The following GTPBP4 variants were observed in gnomAD, a reference collection of about 807,000 sequenced individuals.
The protein encoded by GTPBP4 is GTP binding protein 4, also known as GTP-binding protein 4.
In GTPBP4, 15 loss-of-function variants were observed where a neutral mutation model predicts 81.7. That is an observed-to-expected ratio of 0.18 (90% CI 0.12 to 0.28). GTPBP4 has a LOEUF of 0.28. GTPBP4 is among the 10% of genes least tolerant of loss of function. The probability of loss-of-function intolerance (pLI) is 1.00; values close to 1 mark genes in which losing one functional copy is unlikely to be tolerated. For missense variants in GTPBP4, 847 were observed against 793.8 expected (o/e 1.07, Z -0.81); for synonymous variants, 272 against 274.6 (o/e 0.99, Z 0.09).
intron 8 of GTPBP4, among the ~76,000 whole-genome samples, chr10:1,004,669 A>G (rs1171151715): frequency 6.6e-6 from 1 of 152,136 alleles, no homozygotes; most frequent in African/African-American, 2.4e-5. Flanking sequence ...CCACGGTGCT[A>G]TTTACCAGGA....
At chr10:1,005,588 G>A (rs556634142) in intron 8 of GTPBP4, among the ~76,000 whole-genome samples, 99 of 152,300 alleles carry the variant, frequency 6.5e-4, no homozygotes, top group Non-Finnish European at 1.4e-3. Flanking sequence ...TGTTGTGGGG[G>A]ACAGATGTGA....
chr10:1,006,467 C>T (rs576691542), intron 9 of GTPBP4, among the ~76,000 whole-genome samples: 1 of 152,208 alleles, frequency 6.6e-6, no homozygotes, highest in Admixed American at 6.5e-5. Flanking sequence ...GGTGAAACTC[C>T]GTCTCTCCTA....
At position 1,018,870 on chromosome 10, in the gene GTPBP4, T is replaced by C. The variant is rs1372048250; in HGVS notation, c.*1643T>C. ...CTTTCTCCGTATTAAACACCAAAAC[T>C]TAACATATAGTTTACTTTGTGTTAA... On this transcript the variant is annotated 3_prime_UTR_variant, in exon 17 of 17. Coordinates refer to ENST00000360803, the MANE Select transcript of GTPBP4 (RefSeq NM_012341.3). 1 of 152,122 alleles carries C rather than the reference T, an allele frequency of 6.6e-6. No homozygotes were observed. Among genetic ancestry groups the C allele is most frequent in the Non-Finnish European group, 1.5e-5 (1 of 68,022 alleles). The allele number at this position is 152,122 out of a possible 1,614,324, so 9.4% of individuals were successfully genotyped here.
At chr10:997,121 G>T (rs1268409130) in intron 4 of GTPBP4, 87 bp from the exon 5 acceptor site, 4 of 826,688 alleles carry the variant, frequency 4.8e-6, no homozygotes, top group African/African-American at 1.7e-5. Context: ...ATCACCATAG[G>T]CCTGGACTGT....
At chr10:988,586 G>T (rs1831383485) in intron 1 of GTPBP4, 59 bp downstream of exon 1, 3 of 1,319,704 alleles carry the variant, frequency 2.3e-6, no homozygotes, top group Non-Finnish European at 3.3e-6. Context: ...GGGTCCCCGG[G>T]GAGGGTCCGG....
At chr10:1,015,461 T>C (rs7920942) in intron 15 of GTPBP4, among the ~76,000 whole-genome samples, 2,523 of 4,694 alleles carry the variant, frequency 0.54, 904 homozygotes, top group South Asian at 0.7. Flanking sequence ...AGCCTGGGAG[T>C]GGGGCTGGGG....
chr10:998,089 C>T lies in GTPBP4; in HGVS notation c.561+781C>T, dbSNP rs1831564378. Among the ~76,000 whole-genome samples the T allele has an allele frequency of 2.6e-5, 4 of 152,104 alleles. No homozygotes were observed. In the South Asian group the frequency reaches 6.2e-4, roughly 24 times the overall value. Reference sequence around the variant, plus strand: ...TATTTTTAATTAAAAAAATTTTTTTCTTTCTTTTTGTTGAAACTTTTTCTT... The same window carrying T: ...TATTTTTAATTAAAAAAATTTTTTTTTTTCTTTTTGTTGAAACTTTTTCTT... On this transcript the variant is annotated intron_variant, in intron 5 of 16. Coordinates refer to ENST00000360803, the MANE Select transcript of GTPBP4 (RefSeq NM_012341.3).
intron 16 of GTPBP4, among the ~76,000 whole-genome samples, chr10:1,016,158 G>C (rs1254099003): frequency 6.6e-6 from 1 of 152,198 alleles, no homozygotes; most frequent in Non-Finnish European, 1.5e-5. Context: ...GACAGCACTA[G>C]CAGTCTGGGC....
chr10:1,008,915 C>T, intron 10 of GTPBP4, 43 bp from the exon 11 acceptor site: 1 of 1,417,570 alleles, frequency 7.1e-7, no homozygotes, highest in East Asian at 2.3e-5. Flanking sequence ...GTTTCTCATT[C>T]AGCAGGCATT....
chr10:999,165 CT>C, intron 6 of GTPBP4, 70 bp downstream of exon 6: 1 of 875,250 alleles, frequency 1.1e-6, no homozygotes, highest in Non-Finnish European at 1.9e-6. Context: ...GTTGCCCAGG[CT>C]GGAGTGCAGT....
rs541876692 is a variant in GTPBP4 at position 1,010,628 on chromosome 10, G to A, written c.1344+108G>A. ...CAGCTGGGCCTGTCCGCTTCATTCTGCACCCCTCCATCCTGACTCTGCCCC... is the reference window on the plus strand; with the variant it reads ...CAGCTGGGCCTGTCCGCTTCATTCTACACCCCTCCATCCTGACTCTGCCCC... On this transcript the variant is annotated intron_variant, in intron 13 of 16. Transcript: ENST00000360803. 1,023 of 737,506 alleles carry A rather than the reference G, an allele frequency of 1.4e-3. 12 individuals are homozygous for A. The highest frequency in any genetic ancestry group is 9.0e-3 in the South Asian group (629 of 69,688). The allele number at this position is 737,506 out of a possible 1,614,324, so 45.7% of individuals were successfully genotyped here. A position where few individuals can be genotyped will look rare whatever the true frequency, so the allele number is the denominator to read the frequency against.
chr10:1,011,856 G>A (rs1054928761), intron 13 of GTPBP4, among the ~76,000 whole-genome samples: 3 of 152,190 alleles, frequency 2.0e-5, no homozygotes. Flanking sequence ...GCTCTTGGGC[G>A]CAAGAAGCCT....
chr10:1,006,172 C>T (rs1249684337), intron 9 of GTPBP4, among the ~76,000 whole-genome samples: 1 of 152,150 alleles, frequency 6.6e-6, no homozygotes, highest in Non-Finnish European at 1.5e-5. Flanking sequence ...TTGTCTCTGG[C>T]CTTTTAATAT....
intron 1 of GTPBP4, chr10:988,871 G>A (rs1831390762): frequency 3.8e-6 from 1 of 261,972 alleles, no homozygotes; most frequent in East Asian, 7.6e-5. Flanking sequence ...ACATGTGAGG[G>A]AGGAAGCGTT....
At chr10:1,005,421 G>A (rs1831710706) in intron 8 of GTPBP4, among the ~76,000 whole-genome samples, 1 of 152,180 alleles carries the variant, frequency 6.6e-6, no homozygotes, top group Non-Finnish European at 1.5e-5. Flanking sequence ...TGGGATTACA[G>A]GCATGAGCCA....
At chr10:993,728 G>A (rs1016053609) in intron 2 of GTPBP4, among the ~76,000 whole-genome samples, 2 of 152,150 alleles carry the variant, frequency 1.3e-5, no homozygotes, top group African/African-American at 2.4e-5. Context: ...GTCCCTGAAG[G>A]CAGGTGTAGG....
In GTPBP4 at chr10:992,561, C is replaced by T; in HGVS notation, c.121C>T (p.His41Tyr). 2 of 1,597,222 alleles carry T rather than the reference C, an allele frequency of 1.3e-6. No homozygotes were observed. Among genetic ancestry groups the T allele is most frequent in the Non-Finnish European group, 1.7e-6 (2 of 1,164,708 alleles). ...PTVIHKHYQI[H>Y]RIRHFYMRKV... ...CGTTATTCATAAACATTACCAAATA[C>T]ATCGCATTAGACATTTTTACATGAG... The change falls in exon 2 of 17, where the codon CAT becomes TAT. Residue 41 changes from histidine (H) to tyrosine (Y), a missense_variant. Coordinates refer to ENST00000360803, the MANE Select transcript of GTPBP4 (RefSeq NM_012341.3).
At chr10:995,831 G>C in intron 2 of GTPBP4, 98 bp from the exon 3 acceptor site, 1 of 691,944 alleles carries the variant, frequency 1.4e-6, no homozygotes, top group Non-Finnish European at 2.6e-6. Flanking sequence ...AGGAGACACT[G>C]CAGGCGTGGA....
intron 8 of GTPBP4, among the ~76,000 whole-genome samples, chr10:1,003,672 C>G (rs910385383): frequency 6.6e-6 from 1 of 152,196 alleles, no homozygotes; most frequent in Non-Finnish European, 1.5e-5. Context: ...GAAATGTTGG[C>G]AATAACTGGG....
Sources: gnomAD v4.1 joint callset for allele counts (sites outside exome capture counted in the v4.1 genomes callset) on GRCh38, gnomAD v4.1.1 for gene constraint, MANE v1.5 for transcripts, NCBI Gene and HGNC (gene_info 2026-07-23, HGNC 2026-07-21) for gene names.